MYPN: variants seen among roughly 807,000 people sequenced by gnomAD.
The protein encoded by MYPN is myopalladin.
A neutral mutation model predicts 129.4 loss-of-function variants in MYPN; 63 were observed. That is an observed-to-expected ratio of 0.49 (90% confidence interval 0.40 to 0.60). The LOEUF (loss-of-function observed/expected upper bound fraction) is 0.60. Ranked by LOEUF, MYPN falls within the 20% of genes least tolerant of loss-of-function variation. The probability of loss-of-function intolerance (pLI) is 0.00; values close to 1 mark genes in which losing one functional copy is unlikely to be tolerated. For synonymous variants in MYPN, 629 were observed against 600.9 expected, an observed-to-expected ratio of 1.05 and a Z score of -0.68; for missense variants, 1,596 against 1,635.4, an observed-to-expected ratio of 0.98 and a Z score of 0.42.
chr10:68,150,233 G>A lies in MYPN; in HGVS notation c.1317+122G>A, dbSNP rs140543981. On this transcript the variant is annotated intron_variant, in intron 6 of 19. Transcript: ENST00000358913. ...TGGTCTTCTGTATGTACGGTATAGG[G>A]TTTGGGTTGTTTTGTTAGTTACTAC... is the stretch of plus-strand genomic sequence containing the variant. 8.2e-5 allele frequency: 69 copies of A among 846,550 alleles called. No individual in the cohort carries two copies. The African/African-American group carries it at 1.0e-3, about 13-fold the overall frequency. 52.4% of individuals were successfully genotyped at this position (846,550 alleles called of 1,614,324 possible).
chr10:68,189,947 T>C (rs1318887841), intron 13 of MYPN, among the ~76,000 whole-genome samples: 1 of 152,218 alleles, frequency 6.6e-6, no homozygotes, highest in Non-Finnish European at 1.5e-5. Flanking sequence ...AGAATCTCCA[T>C]ACTGTTTTCC....
Position 68,211,728 on chromosome 10 carries a change from A to C in MYPN, c.*1273A>C, listed in dbSNP as rs1309781583. ...ATCTTCTGTTATTATGTCTATTATA[A>C]GATAACCTAATCTTATATTCTGCAG... On this transcript the variant is annotated 3_prime_UTR_variant, in exon 20 of 20. Coordinates refer to ENST00000358913, the MANE Select transcript of MYPN (RefSeq NM_032578.4). 12 of 454,030 alleles carry C rather than the reference A, an allele frequency of 2.6e-5. No individual in the cohort carries two copies. The highest frequency in any genetic ancestry group is 5.3e-5 in the Non-Finnish European group (12 of 226,808). The allele number at this position is 454,030 out of a possible 1,614,324, so 28.1% of individuals were successfully genotyped here.
chr10:68,155,379 TCC>T (rs2042854743), intron 6 of MYPN, among the ~76,000 whole-genome samples: 3 of 152,174 alleles, frequency 2.0e-5, no homozygotes. Flanking sequence ...ACAAAGAATG[TCC>T]TCCCAGATGA....
intron 2 of MYPN, among the ~76,000 whole-genome samples, chr10:68,132,530 G>A (rs1036611652): frequency 1.3e-5 from 2 of 152,186 alleles, no homozygotes; most frequent in Non-Finnish European, 2.9e-5. Flanking sequence ...CCTTGAGGCT[G>A]GTTATGGTTT....
chr10:68,158,631 A>G lies in MYPN; in HGVS notation c.1459+4A>G. 6.5e-7 allele frequency: 1 copy of G among 1,547,756 alleles called. No homozygotes were observed. Among genetic ancestry groups the G allele is most frequent in the Non-Finnish European group, 8.9e-7 (1 of 1,121,682 alleles). ...GATTTTAGGATTTTACAGAAAAGTA[A>G]GTTAATACTTTAAATTATTTTCTGA... On this transcript the variant is annotated splice_donor_region_variant and intron_variant, in intron 7 of 19. Transcript: ENST00000358913.
chr10:68,165,927 T>C (rs946023081), intron 9 of MYPN, 109 bp downstream of exon 9: 33 of 995,652 alleles, frequency 3.3e-5, no homozygotes, highest in Non-Finnish European at 4.8e-5. Flanking sequence ...GGCTTGGCTC[T>C]TCTAAAAAGA....
At chr10:68,122,420 C>A in intron 2 of MYPN, 80 bp downstream of exon 2, 1 of 1,468,224 alleles carries the variant, frequency 6.8e-7, no homozygotes, top group Non-Finnish European at 9.5e-7. Flanking sequence ...CATTTAAGCA[C>A]CTGGTTTACA....
At chr10:68,130,090 G>A (rs1296405809) in intron 2 of MYPN, among the ~76,000 whole-genome samples, 2 of 152,226 alleles carry the variant, frequency 1.3e-5, no homozygotes, top group Admixed American at 6.5e-5. Context: ...GTTTTATGAA[G>A]GGCCTGTTTA....
At position 68,211,413 on chromosome 10, in the gene MYPN, G is replaced by A; in HGVS notation, c.*958G>A. ...CAAACAAGGAGAGGAAATGATGGGA[G>A]AGTGTTGTTTTTGTCACTTGCCCCA... is the stretch of plus-strand genomic sequence containing the variant. On this transcript the variant is annotated 3_prime_UTR_variant, in exon 20 of 20. Coordinates refer to ENST00000358913, the MANE Select transcript of MYPN (RefSeq NM_032578.4). The A allele has an allele frequency of 2.2e-6, 1 of 454,104 alleles. No individual in the cohort carries two copies. Among genetic ancestry groups the A allele is most frequent in the Non-Finnish European group, 4.4e-6 (1 of 226,790 alleles). The allele number at this position is 454,104 out of a possible 1,614,324, so 28.1% of individuals were successfully genotyped here. A position where few individuals can be genotyped will look rare whatever the true frequency, so the allele number is the denominator to read the frequency against.
rs538098568 is a variant in MYPN at position 68,164,517 on chromosome 10, T to C, written c.1484-1185T>C. On this transcript the variant is annotated intron_variant, in intron 8 of 19. Coordinates refer to ENST00000358913, the MANE Select transcript of MYPN (RefSeq NM_032578.4). ...CCTGCCATGCCCCACTGGCCAGATT[T>C]CCTAGAAACAGTCTAGTTAATTCAA... is the stretch of plus-strand genomic sequence containing the variant. Among the ~76,000 whole-genome samples the C allele has an allele frequency of 2.0e-5, 3 of 152,360 alleles. No individual in the cohort carries two copies. In the East Asian group the frequency reaches 5.8e-4, roughly 29 times the overall value.
intron 18 of MYPN, among the ~76,000 whole-genome samples, chr10:68,203,720 C>CACAGAGAGAGAGAGAG (rs1554851560): frequency 4.3e-5 from 5 of 115,658 alleles, no homozygotes; most frequent in Non-Finnish European, 6.1e-5. Context: ...CATACACACA[C>CACAGAGAGAGAGAGAG]AGAGAGAGAG....
chr10:68,183,207 T>A (rs2043366045), intron 12 of MYPN, among the ~76,000 whole-genome samples: 1 of 152,200 alleles, frequency 6.6e-6, no homozygotes. Context: ...ACGCCTGTAA[T>A]CCCAGAACTT....
At chr10:68,104,167 C>G (rs1239709838), upstream of MYPN, among the ~76,000 whole-genome samples, 2 of 152,140 alleles carry the variant, frequency 1.3e-5, no homozygotes, top group Non-Finnish European at 2.9e-5. Context: ...TGTTAGTTCC[C>G]ATTTCCTTTC....
intron 15 of MYPN, among the ~76,000 whole-genome samples, chr10:68,196,505 TG>T (rs34848454): frequency 0.38 from 50,580 of 131,830 alleles, 11,267 homozygotes; most frequent in Non-Finnish European, 0.48. Flanking sequence ...TTTTTTGAGA[TG>T]GGGGTCTCAC....
At chr10:68,141,966 T>A (rs943017310) in intron 2 of MYPN, among the ~76,000 whole-genome samples, 3 of 152,192 alleles carry the variant, frequency 2.0e-5, no homozygotes, top group African/African-American at 7.2e-5. Flanking sequence ...ACTGCATCAG[T>A]CCCCTGAGGA....
In MYPN at chr10:68,110,071, T is replaced by A. The variant is rs559586047; in HGVS notation, c.-2+348T>A. Among the ~76,000 whole-genome samples, 3 of 152,360 alleles carry A rather than the reference T, an allele frequency of 2.0e-5. 1 individual carries two copies. Among genetic ancestry groups the A allele is most frequent in the African/African-American group, 7.2e-5 (3 of 41,574 alleles). On this transcript the variant is annotated intron_variant, in intron 1 of 19. Transcript: ENST00000358913. ...AGAGAATATGTAAGCAATGCCAGTT[T>A]CCTTTTTAAAGGAAGTTGAATCTAA...
Position 68,149,022 on chromosome 10 carries a change from T to C in MYPN, c.1245+555T>C, listed in dbSNP as rs558713093. ...GGGAGGATTGCTTGAGTCCAGGAGT[T>C]TGAGACCCGTCTGGGCAACATAGCG... On this transcript the variant is annotated intron_variant, in intron 5 of 19. Coordinates refer to ENST00000358913, the MANE Select transcript of MYPN (RefSeq NM_032578.4). 3.0e-3 allele frequency among the ~76,000 whole-genome samples: 453 copies of C among 152,172 alleles called. 5 individuals carry two copies. Among genetic ancestry groups the C allele is most frequent in the African/African-American group, 0.01 (433 of 41,512 alleles).
In MYPN at chr10:68,136,520, A is replaced by C; in HGVS notation, c.903-6420A>C. ...CAGGGTAAATTTAATACCTTTTCAG[A>C]AGCCAGCCTGATCCCTGCCTAATTT... On this transcript the variant is annotated intron_variant, in intron 2 of 19. Coordinates refer to ENST00000358913, the MANE Select transcript of MYPN (RefSeq NM_032578.4). 6 of 1,394,712 alleles carry C rather than the reference A, an allele frequency of 4.3e-6. No individual in the cohort carries two copies. In the South Asian group the frequency reaches 1.0e-4, roughly 24 times the overall value. 86.4% of individuals were successfully genotyped at this position (1,394,712 alleles called of 1,614,324 possible).
At chr10:68,095,707 AG>A (rs1283829368) in intron 1 of MYPN, among the ~76,000 whole-genome samples, 1 of 152,246 alleles carries the variant, frequency 6.6e-6, no homozygotes, top group East Asian at 1.9e-4. Context: ...AAGAGTAGCA[AG>A]ACAAAGTCCT....
Sources: gnomAD v4.1 joint callset for allele counts (sites outside exome capture counted in the v4.1 genomes callset) on GRCh38, gnomAD v4.1.1 for gene constraint, MANE v1.5 for transcripts, NCBI Gene and HGNC (gene_info 2026-07-23, HGNC 2026-07-21) for gene names.